The following WWP2 variants were observed in gnomAD, a reference collection of about 807,000 sequenced individuals.
WWP2 encodes NEDD4-like E3 ubiquitin-protein ligase WWP2.
Under a neutral mutation model 121.0 loss-of-function variants are expected in WWP2, and 57 were observed. The observed-to-expected ratio is 0.47, with a 90% CI of 0.38 to 0.59. The LOEUF (loss-of-function observed/expected upper bound fraction) is 0.59, where lower values mean the gene tolerates loss of function less well. Among genes scored for constraint, WWP2 ranks in the 20% least tolerant of loss-of-function variants. The pLI is 0.00. For missense variants in WWP2, 962 were observed against 1,158.9 expected, an observed-to-expected ratio of 0.83 and a Z score of 2.47; for synonymous variants, 449 against 441.3, an observed-to-expected ratio of 1.02 and a Z score of -0.22.
intron 6 of WWP2, among the ~76,000 whole-genome samples, chr16:69,854,639 C>T (rs2057276737): frequency 1.3e-5 from 2 of 152,126 alleles, no homozygotes; most frequent in Non-Finnish European, 2.9e-5. Context: ...CAAACTCTGC[C>T]TTCTGGGTTC....
At chr16:69,877,954 C>A (rs112117896) in intron 7 of WWP2, among the ~76,000 whole-genome samples, 1 of 152,038 alleles carries the variant, frequency 6.6e-6, no homozygotes, top group Non-Finnish European at 1.5e-5. Flanking sequence ...ATTATAGGCG[C>A]GTGCCACCGT....
rs1397963003 is a variant in WWP2 at position 69,935,820 on chromosome 16, C to T, written c.1843-33C>T. The T allele has an allele frequency of 1.3e-6, 2 of 1,593,082 alleles. No homozygotes were observed. The highest frequency in any genetic ancestry group is 1.7e-4 in the Middle Eastern group (1 of 5,942). On this transcript the variant is annotated intron_variant, in intron 17 of 23. Coordinates refer to ENST00000359154, the MANE Select transcript of WWP2 (RefSeq NM_001270454.2). The surrounding 1 kb of genome is among the most constrained non-coding windows in gnomAD (Gnocchi z 5.2). ...TGGTCTTGGCAGTGCCCAGGGAAGG[C>T]CAAACCTCTGTGCTGTGCCTCTTCC...
intron 2 of WWP2, among the ~76,000 whole-genome samples, chr16:69,796,350 A>C (rs2056044942): frequency 6.6e-6 from 1 of 152,148 alleles, no homozygotes; most frequent in South Asian, 2.1e-4. Flanking sequence ...TGATACTCCT[A>C]ATCTGCCGAG....
At chr16:69,891,595 G>C (rs1443105910) in intron 8 of WWP2, among the ~76,000 whole-genome samples, 1 of 152,162 alleles carries the variant, frequency 6.6e-6, no homozygotes, top group East Asian at 1.9e-4. Context: ...TGCTAAACAA[G>C]AAATGGTTCT....
intron 4 of WWP2, among the ~76,000 whole-genome samples, chr16:69,814,996 A>G (rs1031011942): frequency 6.6e-6 from 1 of 151,858 alleles, no homozygotes; most frequent in Non-Finnish European, 1.5e-5. Flanking sequence ...AAAAATATTT[A>G]TTTATTTATT....
In WWP2 at chr16:69,787,033, G is replaced by A. The variant is rs746503953; in HGVS notation, c.23G>A (p.Arg8Gln). Reference sequence around the variant, plus strand: ...GATATGGCATCTGCCAGCTCTAGCCGGGCAGGAGTGGCCCTGCCTTTTGAG... The same window carrying A: ...GATATGGCATCTGCCAGCTCTAGCCAGGCAGGAGTGGCCCTGCCTTTTGAG... MASASSS[R>Q]AGVALPFEKS... Residue 8 changes from arginine to glutamine, a missense_variant, in exon 2 of 24, where the codon CGG becomes CAG. Physicochemically the swap from Arg to Gln is conservative, Grantham distance 43. This residue lies in a region of WWP2 where 145 missense variants were observed against 189.8 expected (regional missense o/e 0.76). Transcript: ENST00000359154. The A allele has an allele frequency of 1.4e-5, 22 of 1,612,578 alleles. No homozygotes were observed. The highest frequency in any genetic ancestry group is 1.1e-4 in the East Asian group (5 of 44,852).
chr16:69,871,682 G>C (rs1355220606), intron 6 of WWP2, 122 bp from the exon 7 acceptor site: 2 of 1,400,616 alleles, frequency 1.4e-6, no homozygotes, highest in Non-Finnish European at 2.0e-6. Context: ...AACTAGAGGG[G>C]CTATTAAAGG....
intron 6 of WWP2, among the ~76,000 whole-genome samples, chr16:69,843,124 A>G (rs977892317): frequency 1.1e-4 from 16 of 152,136 alleles, no homozygotes; most frequent in Non-Finnish European, 2.1e-4. Flanking sequence ...CCGGGGCTGC[A>G]GCCACAGTTA....
chr16:69,905,900 C>T (rs1179621255), intron 8 of WWP2, among the ~76,000 whole-genome samples: 1 of 152,272 alleles, frequency 6.6e-6, no homozygotes, highest in East Asian at 1.9e-4. Flanking sequence ...TTCTCTGAGC[C>T]TCAGTTTCCT....
At chr16:69,775,214 G>A (rs568042797) in intron 1 of WWP2, 19 of 152,222 alleles carry the variant, frequency 1.2e-4, no homozygotes, top group African/African-American at 4.6e-4. Flanking sequence ...TTTCAGAGAA[G>A]GATATTTCTT....
intron 6 of WWP2, among the ~76,000 whole-genome samples, chr16:69,858,848 T>C (rs1367830152): frequency 2.6e-5 from 4 of 152,192 alleles, no homozygotes; most frequent in African/African-American, 9.7e-5. Flanking sequence ...CAAGTGATTA[T>C]TGAATCTTAG....
intron 6 of WWP2, among the ~76,000 whole-genome samples, chr16:69,848,716 AT>A (rs1303718926): frequency 6.7e-6 from 1 of 149,436 alleles, no homozygotes; most frequent in Non-Finnish European, 1.5e-5. Context: ...GTGTATATGT[AT>A]TTAAGCTATT....
rs2058634304 is a variant in WWP2 at position 69,925,976 on chromosome 16, A to G, written c.1234+492A>G. On this transcript the variant is annotated intron_variant, in intron 11 of 23. Coordinates refer to ENST00000359154, the MANE Select transcript of WWP2 (RefSeq NM_001270454.2). The surrounding 1 kb of genome is among the most constrained non-coding windows in gnomAD (Gnocchi z 4.0). Reference sequence around the variant, plus strand: ...TAGAAGCCACCTTTTTATTTCTGACATAGCTGTGAAAGAGGCCAGAGGGAA... The same window carrying G: ...TAGAAGCCACCTTTTTATTTCTGACGTAGCTGTGAAAGAGGCCAGAGGGAA... 1 of 152,898 alleles carries G rather than the reference A, an allele frequency of 6.5e-6. No homozygotes were observed. Among genetic ancestry groups the G allele is most frequent in the African/African-American group, 2.4e-5 (1 of 41,464 alleles). The allele number at this position is 152,898 out of a possible 1,614,324, so 9.5% of individuals were successfully genotyped here. A position where few individuals can be genotyped will look rare whatever the true frequency, so the allele number is the denominator to read the frequency against.
intron 4 of WWP2, among the ~76,000 whole-genome samples, chr16:69,831,034 G>C (rs2056784635): frequency 6.6e-6 from 1 of 152,282 alleles, no homozygotes; most frequent in African/African-American, 2.4e-5. Flanking sequence ...CTTTTGATGG[G>C]CCTATGGGAT....
At chr16:69,830,635 G>T (rs895187561) in intron 4 of WWP2, among the ~76,000 whole-genome samples, 4 of 152,130 alleles carry the variant, frequency 2.6e-5, no homozygotes, top group Non-Finnish European at 4.4e-5. Context: ...GAGTGTTGGG[G>T]GGCCGCGGGG....
intron 9 of WWP2, among the ~76,000 whole-genome samples, chr16:69,913,298 G>T (rs1214562154): frequency 1.3e-5 from 2 of 151,574 alleles, no homozygotes; most frequent in Non-Finnish European, 2.9e-5. Flanking sequence ...CTCCCAAAGT[G>T]GTGGGATTAC....
At chr16:69,808,947 C>T (rs187283540) in intron 4 of WWP2, among the ~76,000 whole-genome samples, 1 of 152,306 alleles carries the variant, frequency 6.6e-6, no homozygotes, top group Admixed American at 6.5e-5. Context: ...TAGACACCAT[C>T]AGTTTTCTAG....
chr16:69,854,879 A>G (rs1372616356), intron 6 of WWP2, among the ~76,000 whole-genome samples: 3 of 151,676 alleles, frequency 2.0e-5, no homozygotes, highest in African/African-American at 7.3e-5. Context: ...ATTTTGAGAC[A>G]GGGTCTTGTT....
Position 69,925,272 on chromosome 16 carries a change from T to C in WWP2, c.1180-158T>C, listed in dbSNP as rs2058623482. 6.9e-7 allele frequency: 1 copy of C among 1,447,512 alleles called. No individual in the cohort carries two copies. Among genetic ancestry groups the C allele is most frequent in the South Asian group, 1.6e-5 (1 of 61,042 alleles). 89.7% of individuals were successfully genotyped at this position (1,447,512 alleles called of 1,614,324 possible). On this transcript the variant is annotated intron_variant, in intron 10 of 23. Transcript: ENST00000359154. This position sits in a 1 kb window ranked among gnomAD's most constrained non-coding sequence, Gnocchi z 4.0. ...AATCAAAACAAAAAACAGAGACTTT[T>C]GAGAGGAGCAGATGCCACCTAAAGT...
Sources: gnomAD v4.1 joint callset for allele counts (sites outside exome capture counted in the v4.1 genomes callset) on GRCh38, gnomAD v4.1.1 for gene constraint, gnomAD v4.1.1 regional missense constraint, Gnocchi (gnomAD v3.1) non-coding constraint, MANE v1.5 for transcripts, NCBI Gene and HGNC (gene_info 2026-07-23, HGNC 2026-07-21) for gene names.